The following TRAIP variants were observed in gnomAD, a reference collection of about 807,000 sequenced individuals.
The protein encoded by TRAIP is E3 ubiquitin-protein ligase TRAIP.
TRAIP carries 37 observed loss-of-function variants against 65.0 expected under a neutral mutation model. The ratio of observed to expected loss-of-function variants is 0.57; its 90% CI spans 0.44 to 0.75. The LOEUF is 0.75. Among genes scored for constraint, TRAIP ranks in the 30% least tolerant of loss-of-function variants. TRAIP has a pLI of 0.00. For missense variants in TRAIP, 481 were observed against 579.4 expected (o/e 0.83, Z 1.74); for synonymous variants, 187 against 219.1 (o/e 0.85, Z 1.29).
Position 49,839,745 on chromosome 3 carries a change from C to T in TRAIP, c.884+27G>A, listed in dbSNP as rs753973188. On this transcript the variant is annotated intron_variant, in intron 10 of 14. Coordinates refer to ENST00000331456, the MANE Select transcript of TRAIP (RefSeq NM_005879.3). ...CCAGAAAGCTCTCCCACCTTGTGAC[C>T]CCTGTACCGCCCAAGGCTCAACAAA... 5 of 1,605,228 alleles carry T rather than the reference C, an allele frequency of 3.1e-6. No individual in the cohort carries two copies. The East Asian group carries it at 6.7e-5, about 21-fold the overall frequency.
chr3:49,842,668 A>G (rs1406347809), intron 5 of TRAIP, 121 bp from the exon 6 acceptor site: 3 of 876,942 alleles, frequency 3.4e-6, no homozygotes, highest in Non-Finnish European at 5.4e-6. Flanking sequence ...GCTGATAACC[A>G]TGTACTCCCA....
chr3:49,842,633 TC>T, intron 5 of TRAIP, 86 bp from the exon 6 acceptor site: 3 of 1,239,460 alleles, frequency 2.4e-6, no homozygotes, highest in Non-Finnish European at 2.3e-6. Context: ...GCTCCAGAAC[TC>T]TCTGCAGCTT....
At chr3:49,846,529 G>A (rs528406414) in intron 3 of TRAIP, among the ~76,000 whole-genome samples, 8 of 152,268 alleles carry the variant, frequency 5.3e-5, no homozygotes, top group African/African-American at 1.9e-4. Context: ...AGACAAGACC[G>A]CAGGAGAGAA....
intron 3 of TRAIP, among the ~76,000 whole-genome samples, chr3:49,847,220 T>A (rs528056857): frequency 4.9e-4 from 71 of 145,430 alleles, no homozygotes; most frequent in African/African-American, 1.5e-3. Context: ...AATAAATAAA[T>A]AAAATAAAAA....
rs1559444299 is a variant in TRAIP, at chr3:49,829,779, C to T, written c.1087-13G>A. Reference sequence around the variant, plus strand: ...AGAGCTGGGACTCCTGCAGGGAAGACCCCAGGGCCAGACTTGATGAGCTGG... The same window carrying T: ...AGAGCTGGGACTCCTGCAGGGAAGATCCCAGGGCCAGACTTGATGAGCTGG... On this transcript the variant is annotated splice_polypyrimidine_tract_variant and intron_variant, in intron 12 of 14. Coordinates refer to ENST00000331456, the MANE Select transcript of TRAIP (RefSeq NM_005879.3). The T allele has an allele frequency of 3.7e-6, 6 of 1,613,618 alleles. No homozygotes were observed. Among genetic ancestry groups the T allele is most frequent in the East Asian group, 2.2e-5 (1 of 44,896 alleles).
At chr3:49,848,933 G>A (rs1020271675) in intron 1 of TRAIP, among the ~76,000 whole-genome samples, 3 of 151,060 alleles carry the variant, frequency 2.0e-5, no homozygotes, top group Admixed American at 1.3e-4. Context: ...TGCAAACTCC[G>A]CCTCCTTGGT....
intron 10 of TRAIP, among the ~76,000 whole-genome samples, chr3:49,837,479 C>T (rs534288304): frequency 2.6e-4 from 39 of 152,234 alleles, no homozygotes; most frequent in African/African-American, 8.9e-4. Flanking sequence ...AACAAACCAA[C>T]AAACAAACCA....
chr3:49,849,178 T>C (rs1056001294), intron 1 of TRAIP, among the ~76,000 whole-genome samples: 2 of 151,892 alleles, frequency 1.3e-5, no homozygotes, highest in African/African-American at 2.4e-5. Context: ...TTTTGTTTTT[T>C]TGTTTTTTAC....
At chr3:49,842,592 G>A in intron 5 of TRAIP, 45 bp from the exon 6 acceptor site, 2 of 1,570,424 alleles carry the variant, frequency 1.3e-6, no homozygotes, top group Admixed American at 1.7e-5. Context: ...AGGCCCTCAG[G>A]AGCCATTGCT....
Position 49,829,466 on chromosome 3 carries a change from T to A in TRAIP, c.1279A>T (p.Ile427Phe). 8 of 1,614,076 alleles carry A rather than the reference T, an allele frequency of 5.0e-6. No individual in the cohort carries two copies. Among genetic ancestry groups the A allele is most frequent in the South Asian group, 1.1e-5 (1 of 91,080 alleles). Residue 427 changes from isoleucine (I) to phenylalanine (F), a missense_variant, in exon 14 of 15, where the codon ATC becomes TTC. Transcript: ENST00000331456. The stretch of plus-strand genomic sequence containing the variant: ...TCACAGGAAAAGGATACAGGCTGGA[T>A]GAATTTTGTCCGGCCACCGAGCCCA... ...FDGLGGRTKF[I>F]QPTDTVMIRP...
intron 11 of TRAIP, among the ~76,000 whole-genome samples, chr3:49,830,858 T>C (rs1304229993): frequency 6.6e-6 from 1 of 152,162 alleles, no homozygotes. Flanking sequence ...GTGGTAAGGC[T>C]ACATGACAAC....
intron 3 of TRAIP, among the ~76,000 whole-genome samples, chr3:49,847,238 C>T (rs546601972): frequency 3.3e-5 from 5 of 149,886 alleles, no homozygotes; most frequent in African/African-American, 1.2e-4. Context: ...AAAAATTAAC[C>T]GAGCATGGTG....
chr3:49,844,094 A>G, intron 4 of TRAIP, 166 bp from the exon 5 acceptor site: 4 of 918,460 alleles, frequency 4.4e-6, no homozygotes, highest in Non-Finnish European at 6.4e-6. Context: ...GCCAAACCAG[A>G]GAAGCTGAGC....
intron 1 of TRAIP, among the ~76,000 whole-genome samples, chr3:49,852,642 C>A (rs1174123397): frequency 6.6e-6 from 1 of 151,692 alleles, no homozygotes; most frequent in Admixed American, 6.6e-5. Context: ...GTAGTCCCAG[C>A]TACTCGGGAG....
chr3:49,848,048 G>A (rs1202718805), intron 2 of TRAIP, 95 bp downstream of exon 2: 1 of 1,439,334 alleles, frequency 6.9e-7, no homozygotes, highest in East Asian at 2.4e-5. Flanking sequence ...TCCAAAAAAG[G>A]TCAGAGATAT....
Position 49,840,366 on chromosome 3 carries a change from G to C in TRAIP, c.713C>G (p.Thr238Arg), listed in dbSNP as rs1482150802. 6.2e-7 allele frequency: 1 copy of C among 1,613,832 alleles called. No homozygotes were observed. The highest frequency in any genetic ancestry group is 1.3e-5 in the African/African-American group (1 of 74,914). The change falls in exon 9 of 15, where the codon ACA (threonine) becomes AGA (arginine). Residue 238 changes from threonine (T) to arginine (R), a missense_variant. Physicochemically the swap from Thr to Arg is moderately conservative, Grantham distance 71. Coordinates refer to ENST00000331456, the MANE Select transcript of TRAIP (RefSeq NM_005879.3). ...DLFSSRSKLQ[T>R]VYSELDQAKL... ...GGCCTGATCCAATTCAGAGTAGACTGTCTGCAACTATAAGAAAGTGTAGGG... is the reference window on the plus strand; with the variant it reads ...GGCCTGATCCAATTCAGAGTAGACTCTCTGCAACTATAAGAAAGTGTAGGG...
At chr3:49,853,131 A>G (rs1441321921) in intron 1 of TRAIP, among the ~76,000 whole-genome samples, 2 of 152,132 alleles carry the variant, frequency 1.3e-5, no homozygotes, top group Admixed American at 6.5e-5. Context: ...CAAAAAAAAA[A>G]AAAAGAAAAG....
chr3:49,852,083 G>T (rs952712046), intron 1 of TRAIP, among the ~76,000 whole-genome samples: 2 of 151,780 alleles, frequency 1.3e-5, no homozygotes, highest in African/African-American at 4.8e-5. Flanking sequence ...AAAGACTTTA[G>T]GTAGGCCAGG....
At chr3:49,848,341 G>A in intron 1 of TRAIP, 141 bp from the exon 2 acceptor site, 1 of 863,518 alleles carries the variant, frequency 1.2e-6, no homozygotes, top group Non-Finnish European at 1.9e-6. Flanking sequence ...CAGTAGCATA[G>A]GCAGTTACAG....
Sources: gnomAD v4.1 joint callset for allele counts (sites outside exome capture counted in the v4.1 genomes callset) on GRCh38, gnomAD v4.1.1 for gene constraint, MANE v1.5 for transcripts, NCBI Gene and HGNC (gene_info 2026-07-23, HGNC 2026-07-21) for gene names.